The following NLRC3 variants were observed in gnomAD, a reference collection of about 807,000 sequenced individuals.
NLRC3 encodes the protein NLR family CARD domain containing 3, also known as NLR family CARD domain-containing protein 3.
Under a neutral mutation model 91.6 loss-of-function variants are expected in NLRC3, and 87 were observed. The ratio of observed to expected loss-of-function variants is 0.95; its 90% CI spans 0.80 to 1.14. The LOEUF (loss-of-function observed/expected upper bound fraction) is 1.14. NLRC3 is among the 50% of genes most tolerant of loss of function. The pLI is 0.00. For missense variants in NLRC3, 1,577 were observed against 1,418.6 expected (o/e 1.11, Z -1.79); for synonymous variants, 694 against 625.3 (o/e 1.11, Z -1.64).
intron 1 of NLRC3, among the ~76,000 whole-genome samples, chr16:3,570,194 C>T (rs2040049305): frequency 1.3e-5 from 2 of 151,946 alleles, no homozygotes; most frequent in Admixed American, 6.6e-5. Context: ...AGAGTCTCAA[C>T]TCCTGACCTC....
chr16:3,542,104 G>A, intron 19 of NLRC3, 87 bp downstream of exon 19: 1 of 988,824 alleles, frequency 1.0e-6, no homozygotes, highest in Non-Finnish European at 1.6e-6. Flanking sequence ...AGCGTCTGGG[G>A]GTCAGCTGGC....
chr16:3,545,646 G>A (rs2038653678), intron 15 of NLRC3: 1 of 152,308 alleles, frequency 6.6e-6, no homozygotes, highest in Non-Finnish European at 1.5e-5. Context: ...AACAGGCCAA[G>A]TGCAGGCTGC....
At position 3,563,808 on chromosome 16, in the gene NLRC3, GC is replaced by G; in HGVS notation, c.1128del (p.Gln377ArgfsTer44). The G allele has an allele frequency of 6.2e-7, 1 of 1,610,556 alleles. No individual in the cohort carries two copies. Among genetic ancestry groups the G allele is most frequent in the Non-Finnish European group, 8.5e-7 (1 of 1,178,098 alleles). Reference sequence around the variant, plus strand: ...CGAGGGCTTGCCTTGCCCTTCTCCTGCCCCTCCCCGCTGAGGGCCATCCTAA... The same window carrying G: ...CGAGGGCTTGCCTTGCCCTTCTCCTGCCCTCCCCGCTGAGGGCCATCCTAA... ...WYFRMALSGE[G>X]QEKGKASPRI... On this transcript the variant is annotated frameshift_variant, in exon 5 of 20. Transcript: ENST00000359128. LOFTEE classifies it high-confidence loss of function.
In NLRC3 at chr16:3,561,686, C is replaced by T. The variant is rs377374992; in HGVS notation, c.2015+16G>A. ...AAGACCATAGGCACCCTGGAGGTCC[C>T]CTGGGTCTGTGTTACCTGATCTTCT... On this transcript the variant is annotated intron_variant, in intron 6 of 19. Coordinates refer to ENST00000359128, the MANE Select transcript of NLRC3 (RefSeq NM_178844.4). 124 of 1,589,768 alleles carry T rather than the reference C, an allele frequency of 7.8e-5. No individual in the cohort carries two copies. In the African/African-American group the frequency reaches 1.5e-3, roughly 20 times the overall value.
intron 5 of NLRC3, 66 bp from the exon 6 acceptor site, chr16:3,561,854 C>T (rs926455782): frequency 8.7e-6 from 10 of 1,146,332 alleles, no homozygotes; most frequent in East Asian, 4.7e-5. Context: ...GGCCCTGGCC[C>T]GGGGCCTCTG....
rs1473367402 is a variant in NLRC3 at position 3,539,165 on chromosome 16, T to TA, written c.*2659dup. 12 of 152,200 alleles carry TA rather than the reference T, an allele frequency of 7.9e-5. No homozygotes were observed. Among genetic ancestry groups the TA allele is most frequent in the Non-Finnish European group, 8.8e-5 (6 of 68,038 alleles). 9.4% of individuals were successfully genotyped at this position (152,200 alleles called of 1,614,324 possible). ...TAGATCCCTCTCATTAGCACTTTAA[T>TA]ATCAGTGTCACGTGTCTGGAAGGAA... On this transcript the variant is annotated 3_prime_UTR_variant, in exon 20 of 20. Transcript: ENST00000359128.
rs1437604933 is a variant in NLRC3, at chr16:3,539,296, T to C, written c.*2529A>G. 6.6e-6 allele frequency: 1 copy of C among 152,200 alleles called. No homozygotes were observed. Among genetic ancestry groups the C allele is most frequent in the Non-Finnish European group, 1.5e-5 (1 of 68,032 alleles). 9.4% of individuals were successfully genotyped at this position (152,200 alleles called of 1,614,324 possible). On this transcript the variant is annotated 3_prime_UTR_variant, in exon 20 of 20. Transcript: ENST00000359128. ...GGGACTCCTTTAATTGGAAGGGAGC[T>C]AAAGGGTCTACCTCCTACCTAGAAG...
chr16:3,576,609 C>T (rs1041643392), intron 1 of NLRC3, among the ~76,000 whole-genome samples: 8 of 152,194 alleles, frequency 5.3e-5, no homozygotes, highest in African/African-American at 1.9e-4. Context: ...GGGTTTTGTC[C>T]CTGGGACCTG....
At chr16:3,549,960 C>G (rs2038909378) in intron 11 of NLRC3, among the ~76,000 whole-genome samples, 180 bp from the exon 12 acceptor site, 1 of 152,110 alleles carries the variant, frequency 6.6e-6, no homozygotes, top group Non-Finnish European at 1.5e-5. Flanking sequence ...ACCTTCTAGC[C>G]TCTGCCAGGT....
intron 10 of NLRC3, 53 bp downstream of exon 10, chr16:3,552,143 G>A: frequency 1.9e-6 from 2 of 1,058,686 alleles, no homozygotes; most frequent in Non-Finnish European, 3.0e-6. Context: ...GTGCTGGGTT[G>A]GGCATTGTGC....
intron 1 of NLRC3, among the ~76,000 whole-genome samples, chr16:3,574,364 C>T (rs1339756114): frequency 6.6e-6 from 1 of 152,008 alleles, no homozygotes; most frequent in African/African-American, 2.4e-5. Flanking sequence ...GGCAAGGGCC[C>T]CCACGTGGAT....
Position 3,564,426 on chromosome 16 carries a change from A to C in NLRC3, c.511T>G (p.Phe171Val). The C allele has an allele frequency of 6.2e-7, 1 of 1,612,784 alleles. No homozygotes were observed. The highest frequency in any genetic ancestry group is 8.5e-7 in the Non-Finnish European group (1 of 1,179,884). Reference sequence around the variant, plus strand: ...AAGGTCAGAGGCAGCACCAGCGAGAAGTCCTTGCCGACCTGCCCATGGGCC... The same window carrying C: ...AAGGTCAGAGGCAGCACCAGCGAGACGTCCTTGCCGACCTGCCCATGGGCC... ...LWAHGQVGKD[F>V]SLVLPLTFRD... Residue 171 changes from phenylalanine (F) to valine (V), a missense_variant, in exon 5 of 20, where the codon TTC becomes GTC. Transcript: ENST00000359128. This position sits in a 1 kb window ranked among gnomAD's most constrained non-coding sequence, Gnocchi z 5.9.
intron 7 of NLRC3, 32 bp downstream of exon 7, chr16:3,557,561 G>GACAAAAGTAAGTAAGGA (rs2039401970): frequency 6.9e-7 from 1 of 1,444,740 alleles, no homozygotes; most frequent in Non-Finnish European, 9.7e-7. Flanking sequence ...GGTTCCAATG[G>GACAAAAGTAAGTAAGGA]CAAAAGTTCG....
At chr16:3,557,495 A>T (rs1352334876) in intron 7 of NLRC3, 98 bp downstream of exon 7, 5 of 709,632 alleles carry the variant, frequency 7.0e-6, no homozygotes, top group African/African-American at 1.8e-5. Context: ...GACAGGTAAG[A>T]CCCAAGTCAT....
rs750066264 is a variant in NLRC3 at position 3,544,225 on chromosome 16, C to T, written c.2855+21G>A. ...GGCGAAGGGACCGGTTTCCTGACTGCTGCGCACATCTAGGACTTACTAGAG... is the reference window on the plus strand; with the variant it reads ...GGCGAAGGGACCGGTTTCCTGACTGTTGCGCACATCTAGGACTTACTAGAG... On this transcript the variant is annotated intron_variant, in intron 16 of 19. Transcript: ENST00000359128. 20 of 1,474,902 alleles carry T rather than the reference C, an allele frequency of 1.4e-5. No homozygotes were observed. In the Admixed American group the frequency reaches 2.8e-4, roughly 21 times the overall value. 91.4% of individuals were successfully genotyped at this position (1,474,902 alleles called of 1,614,324 possible). A position where few individuals can be genotyped will look rare whatever the true frequency, so the allele number is the denominator to read the frequency against.
At chr16:3,562,870 G>T (rs1216488057) in intron 5 of NLRC3, 139 bp downstream of exon 5, 12 of 832,054 alleles carry the variant, frequency 1.4e-5, no homozygotes, top group Non-Finnish European at 2.4e-5. Flanking sequence ...CACTTTAGTT[G>T]TTTTAAGCCA....
At chr16:3,560,734 ACTGCAACCTCTGCCTC>A (rs2039570240) in intron 6 of NLRC3, among the ~76,000 whole-genome samples, 1 of 152,086 alleles carries the variant, frequency 6.6e-6, no homozygotes, top group Admixed American at 6.5e-5. Context: ...ATCTCGGCTC[ACTGCAACCTCTGCCTC>A]CTGGGTTCAC....
intron 1 of NLRC3, among the ~76,000 whole-genome samples, chr16:3,570,414 G>T (rs537488827): frequency 6.6e-6 from 1 of 152,342 alleles, no homozygotes; most frequent in Admixed American, 6.5e-5. Context: ...AGGCCCTGGG[G>T]ATGTGAAGGT....
chr16:3,574,050 T>C (rs998312920), intron 1 of NLRC3, among the ~76,000 whole-genome samples: 1 of 127,468 alleles, frequency 7.8e-6, no homozygotes, highest in Non-Finnish European at 1.6e-5. Flanking sequence ...TGAGATAGAG[T>C]CTCACTCTGT....
Sources: allele counts gnomAD v4.1 joint callset (sites outside exome capture counted in the v4.1 genomes callset), GRCh38; gene constraint gnomAD v4.1.1; non-coding constraint Gnocchi (gnomAD v3.1); transcripts MANE v1.5; gene names NCBI Gene and HGNC (gene_info 2026-07-23, HGNC 2026-07-21).